The following CADPS variants were observed in gnomAD, a reference collection of about 807,000 sequenced individuals.
The protein encoded by CADPS is calcium-dependent secretion activator 1.
In CADPS, 57 loss-of-function variants were observed where a neutral mutation model predicts 167.3. The ratio of observed to expected loss-of-function variants is 0.34; its 90% CI spans 0.28 to 0.42. CADPS has a LOEUF of 0.42. Among genes scored for constraint, CADPS ranks in the 20% least tolerant of loss-of-function variants. The pLI is 1.00. For synonymous variants in CADPS, 676 were observed against 635.3 expected (o/e 1.06, Z -0.96); for missense variants, 1,414 against 1,738.1 (o/e 0.81, Z 3.32).
At chr3:62,811,842 A>C (rs1208742793) in intron 1 of CADPS, among the ~76,000 whole-genome samples, 1 of 152,216 alleles carries the variant, frequency 6.6e-6, no homozygotes, top group Non-Finnish European at 1.5e-5. Flanking sequence ...TTAAAACAAC[A>C]AAAAGGACAT....
rs557807483 is a variant in CADPS at position 62,677,090 on chromosome 3, C to T, written c.889-14696G>A. Among the ~76,000 whole-genome samples, 11 of 152,206 alleles carry T rather than the reference C, an allele frequency of 7.2e-5. No homozygotes were observed. In the South Asian group the frequency reaches 2.3e-3, roughly 32 times the overall value. ...GAACAGCCAAGGGTTGGAGCTATAC[C>T]TCCCTCTGCAAACCCCTCTAGAGTG... On this transcript the variant is annotated intron_variant, in intron 3 of 29. Transcript: ENST00000383710.
rs542047215 is a variant in CADPS at position 62,734,398 on chromosome 3, T to C, written c.888+19043A>G. Among the ~76,000 whole-genome samples, 7 of 152,306 alleles carry C rather than the reference T, an allele frequency of 4.6e-5. No individual in the cohort carries two copies. The South Asian group carries it at 1.5e-3, about 32-fold the overall frequency. ...GCTACCATTTTGGACATTACAGACA[T>C]AGAACATTTCCATCATCTCAGAAGC... On this transcript the variant is annotated intron_variant, in intron 3 of 29. Transcript: ENST00000383710.
chr3:62,517,072 G>T (rs565444895), intron 14 of CADPS, among the ~76,000 whole-genome samples: 1 of 152,150 alleles, frequency 6.6e-6, no homozygotes, highest in South Asian at 2.1e-4. Flanking sequence ...TGGATTTAGA[G>T]CAAATTCATG....
chr3:62,488,780 A>T (rs965674290), intron 21 of CADPS, among the ~76,000 whole-genome samples: 26 of 152,092 alleles, frequency 1.7e-4, no homozygotes, highest in African/African-American at 6.3e-4. Context: ...GTGAACAACC[A>T]CACCCAGCCC....
At chr3:62,595,683 A>G (rs2058810351) in intron 6 of CADPS, among the ~76,000 whole-genome samples, 3 of 152,198 alleles carry the variant, frequency 2.0e-5, no homozygotes, top group Non-Finnish European at 4.4e-5. Flanking sequence ...GTACATATTT[A>G]TAGCTATGAT....
chr3:62,528,959 GACCAGCCTGGCCAACATGGTGAA>G (rs1441617936), intron 13 of CADPS, among the ~76,000 whole-genome samples: 1 of 152,138 alleles, frequency 6.6e-6, no homozygotes, highest in African/African-American at 2.4e-5. Context: ...AGGAGTTCGA[GACCAGCCTGGCCAACATGGTGAA>G]ACCCTCTCTC....
At chr3:62,842,163 C>G (rs914012887) in intron 1 of CADPS, among the ~76,000 whole-genome samples, 7 of 152,190 alleles carry the variant, frequency 4.6e-5, no homozygotes, top group Non-Finnish European at 8.8e-5. Flanking sequence ...GCTCATGTAT[C>G]CATTTGGCAA....
At chr3:62,864,833 A>G (rs2081393289) in intron 1 of CADPS, among the ~76,000 whole-genome samples, 1 of 152,150 alleles carries the variant, frequency 6.6e-6, no homozygotes, top group South Asian at 2.1e-4. Flanking sequence ...TACAATTCAG[A>G]CACTCACACT....
chr3:62,529,132 G>A (rs935104433), intron 13 of CADPS, among the ~76,000 whole-genome samples: 12 of 152,134 alleles, frequency 7.9e-5, no homozygotes, highest in Non-Finnish European at 7.4e-5. Context: ...TTGCACTCCA[G>A]CATGGGGCAC....
At chr3:62,462,939 C>T (rs1158818572) in intron 26 of CADPS, among the ~76,000 whole-genome samples, 3 of 152,190 alleles carry the variant, frequency 2.0e-5, no homozygotes, top group East Asian at 1.9e-4. Flanking sequence ...GATGAGAACA[C>T]GGGCTGCAAA....
At chr3:62,586,064 A>C (rs1042598308) in intron 7 of CADPS, among the ~76,000 whole-genome samples, 3 of 152,212 alleles carry the variant, frequency 2.0e-5, no homozygotes, top group African/African-American at 7.2e-5. Flanking sequence ...AACTCACTAA[A>C]TCCACTTTTC....
rs34655412 is a variant in CADPS at position 62,491,536 on chromosome 3, A to AACACACAC, written c.2885-64_2885-57dup. The AACACACAC allele has an allele frequency of 9.9e-6, 10 of 1,005,222 alleles. No homozygotes were observed. The African/African-American group carries it at 1.7e-4, about 17-fold the overall frequency. The allele number at this position is 1,005,222 out of a possible 1,614,324, so 62.3% of individuals were successfully genotyped here. ...ACCCACAGCTACTTTATCAACGTAC[A>AACACACAC]ACACACACACACACACACACAAACA... On this transcript the variant is annotated intron_variant, in intron 20 of 29. Coordinates refer to ENST00000383710, the MANE Select transcript of CADPS (RefSeq NM_003716.4).
Position 62,403,187 on chromosome 3 carries a change from T to C in CADPS, c.3778-2A>G. On this transcript the variant is annotated splice_acceptor_variant, in intron 28 of 29. Coordinates refer to ENST00000383710, the MANE Select transcript of CADPS (RefSeq NM_003716.4). LOFTEE classifies it high-confidence loss of function. ...GTTCATGGAGCTGTTGTACCATTGCTGAAAAAAGAGACAAAAGTTCTCCAG... is the reference window on the plus strand; with the variant it reads ...GTTCATGGAGCTGTTGTACCATTGCCGAAAAAAGAGACAAAAGTTCTCCAG... The C allele has an allele frequency of 6.2e-7, 1 of 1,609,686 alleles. No individual in the cohort carries two copies. The highest frequency in any genetic ancestry group is 8.5e-7 in the Non-Finnish European group (1 of 1,176,462).
chr3:62,498,619 A>G, intron 18 of CADPS, among the ~76,000 whole-genome samples: 1 of 152,094 alleles, frequency 6.6e-6, no homozygotes, highest in East Asian at 1.9e-4. Context: ...AGTAAGCTAT[A>G]TTTATTTAGA....
chr3:62,412,145 G>GGT lies in CADPS; in HGVS notation c.3778-8961_3778-8960insAC, dbSNP rs2049071724. ...AAGTGTCATTTTTAGTTGAGGGTAGGATTTTTTTTTTTTTTTTTTAACGTC... is the reference window on the plus strand; with the variant it reads ...AAGTGTCATTTTTAGTTGAGGGTAGGGTATTTTTTTTTTTTTTTTTTAACGTC... On this transcript the variant is annotated intron_variant, in intron 28 of 29. Transcript: ENST00000383710. The surrounding 1 kb of genome is among the most constrained non-coding windows in gnomAD (Gnocchi z 4.1). Among the ~76,000 whole-genome samples the GGT allele has an allele frequency of 9.6e-6, 1 of 103,636 alleles. No homozygotes were observed. Among genetic ancestry groups the GGT allele is most frequent in the African/African-American group, 3.0e-5 (1 of 33,596 alleles). The allele number at this position is 103,636 out of a possible 152,430, so 68.0% of individuals were successfully genotyped here.
chr3:62,574,612 C>T (rs2081933895), intron 8 of CADPS, among the ~76,000 whole-genome samples: 1 of 152,150 alleles, frequency 6.6e-6, no homozygotes, highest in African/African-American at 2.4e-5. Context: ...AGTAAATAGA[C>T]ATAAGAGGGA....
intron 8 of CADPS, 76 bp from the exon 9 acceptor site, chr3:62,571,014 C>T: frequency 1.0e-5 from 10 of 990,148 alleles, no homozygotes; most frequent in South Asian, 2.6e-5. Flanking sequence ...TGCCGTGAAG[C>T]TTGGTACTTA....
Position 62,493,658 on chromosome 3 carries a change from A to T in CADPS, c.2714T>A (p.Val905Asp). 2 of 1,555,822 alleles carry T rather than the reference A, an allele frequency of 1.3e-6. No individual in the cohort carries two copies. The highest frequency in any genetic ancestry group is 1.2e-5 in the South Asian group (1 of 84,432). Residue 905 changes from valine to aspartate, a missense_variant, in exon 19 of 30, where the codon GTT (valine) becomes GAT (aspartate). Coordinates refer to ENST00000383710, the MANE Select transcript of CADPS (RefSeq NM_003716.4). Reference protein sequence around the residue: ...QNEEHHAEPHVDKGEAFAWWS... With the variant: ...QNEEHHAEPHDDKGEAFAWWS... ...CACTTTACTTACTTCTCCTTTATCA[A>T]CATGTGGCTGGTTTGCAAATTAAAT...
intron 1 of CADPS, among the ~76,000 whole-genome samples, chr3:62,773,520 G>A (rs909663106): frequency 2.0e-5 from 3 of 152,020 alleles, no homozygotes; most frequent in Non-Finnish European, 4.4e-5. Flanking sequence ...TTTGGAACAT[G>A]GTTTCCCAAA....
Sources: allele counts gnomAD v4.1 joint callset (sites outside exome capture counted in the v4.1 genomes callset), GRCh38; gene constraint gnomAD v4.1.1; non-coding constraint Gnocchi (gnomAD v3.1); transcripts MANE v1.5; gene names NCBI Gene and HGNC (gene_info 2026-07-23, HGNC 2026-07-21).